CAPN11: variants seen among roughly 807,000 people sequenced by gnomAD.
CAPN11 encodes the protein calpain-11.
In CAPN11, 108 loss-of-function variants were observed where a neutral mutation model predicts 105.3. The ratio of observed to expected loss-of-function variants is 1.03; its 90% CI spans 0.88 to 1.20. The LOEUF (loss-of-function observed/expected upper bound fraction) is 1.20, where lower values mean the gene tolerates loss of function less well. CAPN11 is among the 50% of genes most tolerant of loss of function. The probability of loss-of-function intolerance (pLI) is 0.00; values close to 1 mark genes in which losing one functional copy is unlikely to be tolerated. For missense variants in CAPN11, 883 were observed against 924.8 expected (o/e 0.95, Z 0.59); for synonymous variants, 329 against 344.5 (o/e 0.96, Z 0.50).
At chr6:44,160,018 C>T (rs189039554) in intron 1 of CAPN11, among the ~76,000 whole-genome samples, 1 of 151,960 alleles carries the variant, frequency 6.6e-6, no homozygotes, top group South Asian at 2.1e-4. Context: ...CCTGTAATCC[C>T]AGCTACTCGG....
intron 13 of CAPN11, 73 bp downstream of exon 13, chr6:44,179,703 C>A: frequency 6.6e-7 from 1 of 1,509,448 alleles, no homozygotes; most frequent in Non-Finnish European, 9.2e-7. Flanking sequence ...AGTGGATTGG[C>A]AAAGGGTGGA....
At chr6:44,166,493 A>AT (rs1006817774) in intron 1 of CAPN11, among the ~76,000 whole-genome samples, 2 of 152,060 alleles carry the variant, frequency 1.3e-5, no homozygotes, top group African/African-American at 4.8e-5. Context: ...CTCTGCTGTT[A>AT]TAACTAGTCT....
At chr6:44,182,207 ACACT>A (rs1773792966) in intron 19 of CAPN11, among the ~76,000 whole-genome samples, 3 of 114,142 alleles carry the variant, frequency 2.6e-5, no homozygotes, top group Non-Finnish European at 5.5e-5. Flanking sequence ...CAACCACACC[ACACT>A]CACACACACA....
intron 19 of CAPN11, among the ~76,000 whole-genome samples, chr6:44,181,908 TCACA>T (rs200615613): frequency 2.0e-3 from 14 of 6,878 alleles, no homozygotes; most frequent in East Asian, 9.6e-3. Context: ...CACACCACAC[TCACA>T]CACACATACA....
At chr6:44,173,477 C>T (rs976095333) in intron 7 of CAPN11, 91 bp downstream of exon 7, 6 of 782,396 alleles carry the variant, frequency 7.7e-6, no homozygotes, top group Admixed American at 2.4e-5. Flanking sequence ...ACGGCCAGCA[C>T]CTTCTCATTC....
At chr6:44,179,086 A>G (rs1163924470) in intron 12 of CAPN11, among the ~76,000 whole-genome samples, 1 of 152,096 alleles carries the variant, frequency 6.6e-6, no homozygotes, top group Non-Finnish European at 1.5e-5. Flanking sequence ...CTCGATCCTC[A>G]ATTTTAGTAA....
At chr6:44,169,131 A>G in intron 2 of CAPN11, 150 bp from the exon 3 acceptor site, 4 of 885,790 alleles carry the variant, frequency 4.5e-6, no homozygotes, top group Non-Finnish European at 7.1e-6. Context: ...ATGAGATCTC[A>G]CCATGTTGCC....
At chr6:44,174,172 A>T (rs1349398415) in intron 7 of CAPN11, among the ~76,000 whole-genome samples, 1 of 152,164 alleles carries the variant, frequency 6.6e-6, no homozygotes, top group Non-Finnish European at 1.5e-5. Context: ...AAATGAAGAC[A>T]TGTCTCCAAA....
At chr6:44,181,353 T>G (rs1582888122) in intron 19 of CAPN11, 33 bp downstream of exon 19, 6 of 1,592,876 alleles carry the variant, frequency 3.8e-6, no homozygotes, top group South Asian at 1.1e-5. Context: ...CCTCCAGGGG[T>G]GAGGAAAAGA....
In CAPN11 at chr6:44,181,579, CAT is replaced by C. The variant is rs1171460860; in HGVS notation, c.1938+261_1938+262del. On this transcript the variant is annotated intron_variant, in intron 19 of 22. Transcript: ENST00000398776. ...CACATACAGACACAACCACACCACACATACACACTCACATACAGACACAACCA... is the reference window on the plus strand; with the variant it reads ...CACATACAGACACAACCACACCACACACACACTCACATACAGACACAACCA... Among the ~76,000 whole-genome samples the C allele has an allele frequency of 2.6e-4, 11 of 42,130 alleles. 1 individual carries two copies. Among genetic ancestry groups the C allele is most frequent in the Non-Finnish European group, 4.0e-4 (8 of 19,970 alleles). The allele number at this position is 42,130 out of a possible 152,430, so 27.6% of individuals were successfully genotyped here.
chr6:44,176,484 A>G, intron 9 of CAPN11, 97 bp from the exon 10 acceptor site: 1 of 1,338,244 alleles, frequency 7.5e-7, no homozygotes, highest in South Asian at 1.2e-5. Flanking sequence ...TCCGCACCCC[A>G]GCAGGCAGAC....
rs189993660 is a variant in CAPN11, at chr6:44,164,833, G to C, written c.17-1925G>C. Among the ~76,000 whole-genome samples the C allele has an allele frequency of 7.2e-5, 11 of 152,290 alleles. No individual in the cohort carries two copies. In the Middle Eastern group the frequency reaches 0.02, roughly 283 times the overall value. Reference sequence around the variant, plus strand: ...GGAGAGACATCTAAAGTACTGGGGAGGGGGAGCGGTATGTATAATCAGGTT... The same window carrying C: ...GGAGAGACATCTAAAGTACTGGGGACGGGGAGCGGTATGTATAATCAGGTT... On this transcript the variant is annotated intron_variant, in intron 1 of 22. Transcript: ENST00000398776.
intron 12 of CAPN11, 178 bp downstream of exon 12, chr6:44,177,598 G>A (rs1463414672): frequency 3.5e-5 from 21 of 607,656 alleles, no homozygotes; most frequent in Admixed American, 5.8e-5. Context: ...AGTGATTCTC[G>A]TGCCTCAGCC....
intron 10 of CAPN11, 74 bp from the exon 11 acceptor site, chr6:44,176,763 TG>T (rs1300427631): frequency 8.3e-5 from 132 of 1,584,494 alleles, no homozygotes; most frequent in Non-Finnish European, 1.1e-4. Context: ...GGGGTGGTTG[TG>T]GGGGGTGGTT....
At chr6:44,180,417 C>T in intron 14 of CAPN11, 43 bp from the exon 15 acceptor site, 1 of 1,592,822 alleles carries the variant, frequency 6.3e-7, no homozygotes, top group Non-Finnish European at 8.6e-7. Flanking sequence ...ACCCCCACCT[C>T]CCTCCCCCTG....
intron 11 of CAPN11, 80 bp downstream of exon 11, chr6:44,177,078 C>G: frequency 6.6e-7 from 1 of 1,524,444 alleles, no homozygotes; most frequent in South Asian, 1.2e-5. Context: ...AGACCTGGGG[C>G]ACGAGTCACC....
rs1582895563 is a variant in CAPN11, at chr6:44,184,313, A to C, written c.*381A>C. On this transcript the variant is annotated 3_prime_UTR_variant, in exon 23 of 23. Coordinates refer to ENST00000398776, the MANE Select transcript of CAPN11 (RefSeq NM_007058.4). ...CCTCCATGCTTGCTGTCCTGCTCACACCTACCTGCTGACCACCCATCCTGG... is the reference window on the plus strand; with the variant it reads ...CCTCCATGCTTGCTGTCCTGCTCACCCCTACCTGCTGACCACCCATCCTGG... 1 of 262,148 alleles carries C rather than the reference A, an allele frequency of 3.8e-6. No individual in the cohort carries two copies. The highest frequency in any genetic ancestry group is 7.4e-6 in the Non-Finnish European group (1 of 135,804). 16.2% of individuals were successfully genotyped at this position (262,148 alleles called of 1,614,324 possible).
intron 3 of CAPN11, 78 bp downstream of exon 3, chr6:44,169,609 C>T: frequency 7.3e-7 from 1 of 1,376,000 alleles, no homozygotes; most frequent in Non-Finnish European, 9.7e-7. Flanking sequence ...TTAGAATCTT[C>T]AATCTTCAAC....
At position 44,177,003 on chromosome 6, in the gene CAPN11, G is replaced by A. The variant is rs749181944; in HGVS notation, c.1237+5G>A. The A allele has an allele frequency of 8.7e-6, 14 of 1,608,888 alleles. No individual in the cohort carries two copies. The highest frequency in any genetic ancestry group is 1.2e-5 in the Non-Finnish European group (14 of 1,178,042). On this transcript the variant is annotated splice_donor_5th_base_variant and intron_variant, in intron 11 of 22. Coordinates refer to ENST00000398776, the MANE Select transcript of CAPN11 (RefSeq NM_007058.4). The stretch of plus-strand genomic sequence containing the variant: ...GGGGCTGCAGGAACCACCCTGGTGG[G>A]TGAGGGGTGAGAGGGGAGGGGGTGT...
Sources: gnomAD v4.1 joint callset for allele counts (sites outside exome capture counted in the v4.1 genomes callset) on GRCh38, gnomAD v4.1.1 for gene constraint, MANE v1.5 for transcripts, NCBI Gene and HGNC (gene_info 2026-07-23, HGNC 2026-07-21) for gene names.